Variants in NTM observed in about 807,000 individuals in gnomAD.
NTM encodes the protein IgLON family member 2.
In NTM, 13 loss-of-function variants were observed where a neutral mutation model predicts 42.1. The ratio of observed to expected loss-of-function variants is 0.31; its 90% CI spans 0.20 to 0.49. The LOEUF is 0.49. Among genes scored for constraint, NTM ranks in the 20% least tolerant of loss-of-function variants. The pLI is 0.99. For synonymous variants in NTM, 187 were observed against 179.2 expected, an observed-to-expected ratio of 1.04 and a Z score of -0.35; for missense variants, 373 against 452.8, an observed-to-expected ratio of 0.82 and a Z score of 1.60.
At chr11:131,802,676 T>C (rs1034629128) in intron 1 of NTM, among the ~76,000 whole-genome samples, 1 of 152,106 alleles carries the variant, frequency 6.6e-6, no homozygotes, top group South Asian at 2.1e-4. Context: ...GTGTGGGGAG[T>C]GCAGAAAGCT....
intron 1 of NTM, among the ~76,000 whole-genome samples, chr11:131,736,192 C>T (rs1248208629): frequency 6.6e-6 from 1 of 152,098 alleles, no homozygotes; most frequent in Non-Finnish European, 1.5e-5. Context: ...AAGTCACCTG[C>T]CTCAGTGGCC....
intron 1 of NTM, among the ~76,000 whole-genome samples, chr11:131,684,198 A>C (rs1369898199): frequency 1.3e-5 from 2 of 152,214 alleles, no homozygotes; most frequent in East Asian, 3.9e-4. Context: ...GGCCCCGGGG[A>C]GAGCAACGTG....
At chr11:131,815,961 G>T (rs1431231234) in intron 1 of NTM, among the ~76,000 whole-genome samples, 1 of 152,160 alleles carries the variant, frequency 6.6e-6, no homozygotes, top group Non-Finnish European at 1.5e-5. Context: ...TTGGAGATGG[G>T]GAGAGAGATG....
In NTM at chr11:131,567,347, C is replaced by T. The variant is rs567056240; in HGVS notation, c.82+196459C>T. On this transcript the variant is annotated intron_variant, in intron 1 of 8. Transcript: ENST00000683400. ...ACTAAAAATACAAAAATTAGCCGGG[C>T]GTGATGGCACACACCCGTGATCCCG... Among the ~76,000 whole-genome samples the T allele has an allele frequency of 5.3e-5, 8 of 152,126 alleles. No homozygotes were observed. The South Asian group carries it at 1.5e-3, about 28-fold the overall frequency.
intron 1 of NTM, among the ~76,000 whole-genome samples, chr11:131,676,115 T>C (rs2071338609): frequency 6.6e-6 from 1 of 152,196 alleles, no homozygotes; most frequent in African/African-American, 2.4e-5. Flanking sequence ...CCCTTGCTTT[T>C]CTCTTCTGGA....
chr11:131,795,100 A>G (rs1309134434), intron 1 of NTM: 2 of 556,610 alleles, frequency 3.6e-6, no homozygotes, highest in Non-Finnish European at 4.6e-6. Flanking sequence ...CATCTTGTTT[A>G]TTCTTTACTT....
intron 1 of NTM, among the ~76,000 whole-genome samples, chr11:131,868,336 C>T (rs1237434328): frequency 6.6e-6 from 1 of 152,120 alleles, no homozygotes; most frequent in African/African-American, 2.4e-5. Flanking sequence ...CCTTCCTGTC[C>T]AGTACAGTCT....
At chr11:131,672,107 C>T (rs80084015) in intron 1 of NTM, among the ~76,000 whole-genome samples, 3,013 of 152,342 alleles carry the variant, frequency 0.02, 93 homozygotes, top group African/African-American at 0.069. Context: ...GTGGACTCGG[C>T]TTTCCACACC....
At chr11:131,572,257 A>G (rs1040103) in intron 1 of NTM, among the ~76,000 whole-genome samples, 66,950 of 152,020 alleles carry the variant, frequency 0.44, 17,029 homozygotes, top group South Asian at 0.64. Context: ...GCCCTGATGT[A>G]CAAGGGGAGC....
In NTM at chr11:132,189,682, C is replaced by T. The variant is rs376469829; in HGVS notation, c.401-22340C>T. Among the ~76,000 whole-genome samples, 4 of 151,028 alleles carry T rather than the reference C, an allele frequency of 2.6e-5. No individual in the cohort carries two copies. The East Asian group carries it at 5.8e-4, about 22-fold the overall frequency. On this transcript the variant is annotated intron_variant, in intron 3 of 8. Coordinates refer to ENST00000683400, the MANE Select transcript of NTM (RefSeq NM_001352005.2). Reference sequence around the variant, plus strand: ...CACACACACACAGACACACACGATACTTGAGTGCCTTTTGGAGTGTGTGTG... The same window carrying T: ...CACACACACACAGACACACACGATATTTGAGTGCCTTTTGGAGTGTGTGTG...
At chr11:131,524,797 C>T (rs766357362) in intron 1 of NTM, among the ~76,000 whole-genome samples, 3 of 152,200 alleles carry the variant, frequency 2.0e-5, no homozygotes, top group Admixed American at 6.5e-5. Flanking sequence ...GACTATGACA[C>T]TGATCAGTGG....
chr11:131,762,171 G>A (rs2135814176), intron 1 of NTM, among the ~76,000 whole-genome samples: 1 of 152,344 alleles, frequency 6.6e-6, no homozygotes, highest in East Asian at 1.9e-4. Flanking sequence ...GCACCCTAGC[G>A]CCTCAGGAGC....
At chr11:131,597,504 A>G (rs1002173509) in intron 1 of NTM, among the ~76,000 whole-genome samples, 1 of 152,146 alleles carries the variant, frequency 6.6e-6, no homozygotes, top group Non-Finnish European at 1.5e-5. Context: ...TTCTGGGCCA[A>G]GGTCCTCTTT....
At chr11:131,843,393 A>G (rs1206497020) in intron 1 of NTM, among the ~76,000 whole-genome samples, 1 of 152,202 alleles carries the variant, frequency 6.6e-6, no homozygotes, top group Non-Finnish European at 1.5e-5. Context: ...TTCTTCAGTT[A>G]CTTGCCTTGT....
Position 131,444,950 on chromosome 11 carries a change from C to T in NTM, c.82+74062C>T, listed in dbSNP as rs75971018. 7.6e-3 allele frequency among the ~76,000 whole-genome samples: 1,155 copies of T among 152,194 alleles called. 14 individuals carry two copies. The highest frequency in any genetic ancestry group is 0.027 in the African/African-American group (1,108 of 41,506). On this transcript the variant is annotated intron_variant, in intron 1 of 8. Coordinates refer to ENST00000683400, the MANE Select transcript of NTM (RefSeq NM_001352005.2). The stretch of plus-strand genomic sequence containing the variant: ...GAAAGGGGTACGTATCAAATCAGTG[C>T]TTCTCAAACTTTTCCATAAGTAAAT...
chr11:131,587,939 C>T (rs955470200), intron 1 of NTM, among the ~76,000 whole-genome samples: 1 of 152,146 alleles, frequency 6.6e-6, no homozygotes, highest in Non-Finnish European at 1.5e-5. Flanking sequence ...AAGAGTGACC[C>T]ATAGCTGAGC....
chr11:131,899,797 G>C (rs1444733123), intron 1 of NTM, among the ~76,000 whole-genome samples: 1 of 151,874 alleles, frequency 6.6e-6, no homozygotes. Flanking sequence ...TTTTATTTTA[G>C]CTAGAGTTTG....
chr11:131,434,621 C>A (rs1948970348), intron 1 of NTM, among the ~76,000 whole-genome samples: 1 of 152,118 alleles, frequency 6.6e-6, no homozygotes, highest in African/African-American at 2.4e-5. Flanking sequence ...CCTTTGCGCA[C>A]TTTTCGATGA....
chr11:131,455,580 T>C (rs1305025120), intron 1 of NTM: 1 of 152,156 alleles, frequency 6.6e-6, no homozygotes, highest in Non-Finnish European at 1.5e-5. Context: ...GGGAGAAAGG[T>C]TTAGCAGTGG....
Sources: gnomAD v4.1 joint callset for allele counts (sites outside exome capture counted in the v4.1 genomes callset) on GRCh38, gnomAD v4.1.1 for gene constraint, MANE v1.5 for transcripts, NCBI Gene and HGNC (gene_info 2026-07-23, HGNC 2026-07-21) for gene names.